The following WDR41 variants were observed in gnomAD, a reference collection of about 807,000 sequenced individuals.
WDR41 encodes the protein WD repeat domain 41.
Under a neutral mutation model 69.3 loss-of-function variants are expected in WDR41, and 63 were observed. The ratio of observed to expected loss-of-function variants is 0.91; its 90% CI spans 0.74 to 1.12. The LOEUF (loss-of-function observed/expected upper bound fraction) is 1.12, where lower values mean the gene tolerates loss of function less well. Ranked by LOEUF, WDR41 falls within the 50% of genes most tolerant of loss-of-function variation. The pLI is 0.00. For synonymous variants in WDR41, 185 were observed against 192.1 expected (o/e 0.96, Z 0.31); for missense variants, 543 against 534.5 (o/e 1.02, Z -0.16).
At chr5:77,565,581 T>C (rs1010277918) in intron 1 of WDR41, among the ~76,000 whole-genome samples, 1 of 152,058 alleles carries the variant, frequency 6.6e-6, no homozygotes, top group Non-Finnish European at 1.5e-5. Flanking sequence ...AGAAAGAAAT[T>C]GGTGATAGAT....
At chr5:77,556,095 CTTTTTT>C (rs34372647) in intron 1 of WDR41, among the ~76,000 whole-genome samples, 13 of 57,690 alleles carry the variant, frequency 2.3e-4, no homozygotes, top group African/African-American at 8.7e-4. Flanking sequence ...AAAAGATGGA[CTTTTTT>C]TTTTTTTTTT....
chr5:77,521,035 A>C (rs1469456776), intron 1 of WDR41, among the ~76,000 whole-genome samples: 1 of 152,052 alleles, frequency 6.6e-6, no homozygotes, highest in African/African-American at 2.4e-5. Flanking sequence ...CTGGCAACCC[A>C]AATAAGTCTC....
intron 1 of WDR41, among the ~76,000 whole-genome samples, chr5:77,566,872 A>C (rs911201510): frequency 6.6e-6 from 1 of 152,120 alleles, no homozygotes; most frequent in Non-Finnish European, 1.5e-5. Flanking sequence ...GCATGATCTG[A>C]GGGGCACCAG....
At chr5:77,605,830 TA>T (rs1173262475) in intron 1 of WDR41, among the ~76,000 whole-genome samples, 3 of 151,974 alleles carry the variant, frequency 2.0e-5, no homozygotes, top group Non-Finnish European at 4.4e-5. Flanking sequence ...ATATGATAGG[TA>T]AAAAAACTTT....
At position 77,516,504 on chromosome 5, in the gene WDR41, A is replaced by G. The variant is rs112566941; in HGVS notation, c.43-26932T>C. ...GTAGAAAATCCAAAATAAGAGTGCC[A>G]TAATAGAAGTTGGTTTCTCCCTTCT... On this transcript the variant is annotated intron_variant, in intron 1 of 5. Transcript: ENST00000509971. 3.8e-3 allele frequency among the ~76,000 whole-genome samples: 584 copies of G among 152,348 alleles called. 3 individuals carry two copies. The highest frequency in any genetic ancestry group is 0.012 in the Admixed American group (186 of 15,300).
intron 1 of WDR41, among the ~76,000 whole-genome samples, chr5:77,542,503 C>A (rs7713326): frequency 0.62 from 93,867 of 151,924 alleles, 30,837 homozygotes; most frequent in African/African-American, 0.84. Flanking sequence ...ATGTGATAGA[C>A]TGAAAACAAA....
intron 1 of WDR41, among the ~76,000 whole-genome samples, chr5:77,611,560 G>A (rs1271183760): frequency 2.0e-5 from 3 of 152,172 alleles, no homozygotes; most frequent in African/African-American, 7.2e-5. Context: ...ATGACTACTG[G>A]GTACATAACG....
chr5:77,492,204 A>G lies in WDR41; in HGVS notation c.17T>C (p.Ile6Thr), dbSNP rs200920979. ...TCCCTGCGGTTCTCGGCCTCCCCCG[A>G]TCAGCCATCGCAACATCCGGGCAGC... MLRWL[I>T]GGGREPQGLA... Residue 6 changes from isoleucine (I) to threonine (T), a missense_variant, in exon 1 of 13, where the codon ATC becomes ACC. Physicochemically the swap from Ile to Thr is moderately conservative, Grantham distance 89 (BLOSUM62 -1). Coordinates refer to ENST00000296679, the MANE Select transcript of WDR41 (RefSeq NM_018268.4). 3 of 1,612,260 alleles carry G rather than the reference A, an allele frequency of 1.9e-6. No homozygotes were observed. The highest frequency in any genetic ancestry group is 8.5e-7 in the Non-Finnish European group (1 of 1,179,412).
chr5:77,501,469 C>A (rs572528452), intron 1 of WDR41, among the ~76,000 whole-genome samples: 2 of 152,358 alleles, frequency 1.3e-5, no homozygotes, highest in Non-Finnish European at 2.9e-5. Flanking sequence ...CAAAAGTCAG[C>A]AGACAACTTC....
At chr5:77,434,559 G>T (rs995719710) in intron 12 of WDR41, among the ~76,000 whole-genome samples, 8 of 152,024 alleles carry the variant, frequency 5.3e-5, no homozygotes, top group African/African-American at 1.9e-4. Flanking sequence ...ACAAAAATTA[G>T]CTGGGCGTGG....
At chr5:77,523,462 G>T (rs766404460) in intron 1 of WDR41, among the ~76,000 whole-genome samples, 8 of 152,114 alleles carry the variant, frequency 5.3e-5, no homozygotes, top group Non-Finnish European at 7.3e-5. Context: ...TAAAGGGAGA[G>T]AGTTTACGTG....
chr5:77,619,558 A>G (rs1396650398), intron 1 of WDR41, among the ~76,000 whole-genome samples: 1 of 152,024 alleles, frequency 6.6e-6, no homozygotes, highest in Non-Finnish European at 1.5e-5. Context: ...CCTGACCCCA[A>G]GTCCAGGTGT....
At chr5:77,608,412 A>G (rs1744470095) in intron 1 of WDR41, among the ~76,000 whole-genome samples, 1 of 152,198 alleles carries the variant, frequency 6.6e-6, no homozygotes, top group South Asian at 2.1e-4. Context: ...TCATGCCCAA[A>G]AACATTGGGC....
intron 1 of WDR41, among the ~76,000 whole-genome samples, chr5:77,619,016 A>C (rs1301353287): frequency 2.6e-5 from 4 of 152,208 alleles, no homozygotes; most frequent in South Asian, 4.1e-4. Flanking sequence ...CTCCCTTTCT[A>C]CACCTTGATA....
intron 1 of WDR41, among the ~76,000 whole-genome samples, chr5:77,516,346 G>T (rs566939752): frequency 6.6e-6 from 1 of 152,282 alleles, no homozygotes; most frequent in East Asian, 1.9e-4. Flanking sequence ...CAAAATGAAT[G>T]TGGTAAATAA....
intron 1 of WDR41, among the ~76,000 whole-genome samples, chr5:77,537,234 T>C (rs1334171042): frequency 1.3e-5 from 2 of 152,166 alleles, no homozygotes; most frequent in East Asian, 3.9e-4. Context: ...GTTCGGAAAA[T>C]GTGACTGGGA....
At chr5:77,579,673 A>G (rs571845421) in intron 1 of WDR41, among the ~76,000 whole-genome samples, 1 of 152,348 alleles carries the variant, frequency 6.6e-6, no homozygotes, top group South Asian at 2.1e-4. Flanking sequence ...AAGAAATACT[A>G]AAGTTCTACA....
chr5:77,558,562 C>G (rs1230023401), intron 1 of WDR41, among the ~76,000 whole-genome samples: 3 of 152,170 alleles, frequency 2.0e-5, no homozygotes, highest in Non-Finnish European at 4.4e-5. Flanking sequence ...AATTTGAAAA[C>G]GACCTTGGAT....
chr5:77,617,524 G>T (rs1171390355), intron 1 of WDR41, among the ~76,000 whole-genome samples: 1 of 152,032 alleles, frequency 6.6e-6, no homozygotes, highest in Non-Finnish European at 1.5e-5. Flanking sequence ...AAATAAACAG[G>T]TAATATTTAA....
Sources: allele counts gnomAD v4.1 joint callset (sites outside exome capture counted in the v4.1 genomes callset), GRCh38; gene constraint gnomAD v4.1.1; transcripts MANE v1.5; gene names NCBI Gene and HGNC (gene_info 2026-07-23, HGNC 2026-07-21).